Variants in ATXN1 observed in about 807,000 individuals in gnomAD.
The protein encoded by ATXN1 is ataxin-1.
In ATXN1, 8 loss-of-function variants were observed where a neutral mutation model predicts 56.4. The observed-to-expected ratio is 0.14, with a 90% CI of 0.08 to 0.26. ATXN1 has a LOEUF of 0.26. Among genes scored for constraint, ATXN1 ranks in the 10% least tolerant of loss-of-function variants. The pLI, the probability that ATXN1 is intolerant of heterozygous loss-of-function variation, is 1.00. For missense variants in ATXN1, 987 were observed against 1,106.5 expected (o/e 0.89, Z 1.53); for synonymous variants, 514 against 494.6 (o/e 1.04, Z -0.52).
chr6:16,564,912 T>C (rs1348760679), intron 4 of ATXN1, among the ~76,000 whole-genome samples: 4 of 152,134 alleles, frequency 2.6e-5, no homozygotes, highest in Admixed American at 1.3e-4. Context: ...TAAACAAGAC[T>C]TTCTTCCCTG....
At chr6:16,753,489 G>C (rs927355728) in intron 1 of ATXN1, 142 bp from the exon 2 acceptor site, 33 of 389,624 alleles carry the variant, frequency 8.5e-5, no homozygotes, top group Middle Eastern at 8.5e-4. Context: ...TGTTGTATGA[G>C]AATTACACAG....
intron 1 of ATXN1, among the ~76,000 whole-genome samples, chr6:16,759,699 T>A (rs1761007829): frequency 6.7e-6 from 1 of 148,380 alleles, no homozygotes; most frequent in African/African-American, 2.5e-5. Flanking sequence ...TAGAAACGGA[T>A]TTTTTTTTGT....
intron 6 of ATXN1, among the ~76,000 whole-genome samples, chr6:16,330,060 A>G (rs1378154180): frequency 6.7e-6 from 1 of 149,516 alleles, no homozygotes; most frequent in Non-Finnish European, 1.5e-5. Context: ...CCTCTTTTCA[A>G]TGATCTGATT....
intron 3 of ATXN1, among the ~76,000 whole-genome samples, chr6:16,612,431 A>G (rs1269087217): frequency 6.6e-6 from 1 of 152,218 alleles, no homozygotes; most frequent in Non-Finnish European, 1.5e-5. Flanking sequence ...GAATTCTTCT[A>G]AATAGGTGTA....
chr6:16,417,441 A>ATTTTTTTTTTTTTTTTTT (rs1188606545), intron 6 of ATXN1, among the ~76,000 whole-genome samples: 38 of 136,490 alleles, frequency 2.8e-4, no homozygotes, highest in South Asian at 8.0e-4. Context: ...CAAGTTTCTT[A>ATTTTTTTTTTTTTTTTTT]TTTTTTTTTT....
At chr6:16,694,738 C>G (rs1030206265) in intron 2 of ATXN1, among the ~76,000 whole-genome samples, 2 of 152,146 alleles carry the variant, frequency 1.3e-5, no homozygotes, top group African/African-American at 4.8e-5. Flanking sequence ...CTGGAGAATT[C>G]CTGATAAGAG....
chr6:16,457,370 T>C (rs1031735536), intron 6 of ATXN1, among the ~76,000 whole-genome samples: 4 of 151,792 alleles, frequency 2.6e-5, no homozygotes, highest in Non-Finnish European at 5.9e-5. Flanking sequence ...TTGTGGGTTC[T>C]TGGGCAGGGA....
chr6:16,467,117 C>T (rs1229109040), intron 6 of ATXN1, among the ~76,000 whole-genome samples: 1 of 152,192 alleles, frequency 6.6e-6, no homozygotes, highest in East Asian at 1.9e-4. Context: ...GTAGTAACAA[C>T]AGCAGCAAAG....
chr6:16,754,919 G>A (rs575077384), intron 1 of ATXN1, among the ~76,000 whole-genome samples: 3 of 152,274 alleles, frequency 2.0e-5, no homozygotes, highest in Admixed American at 2.0e-4. Flanking sequence ...TAAGGATGAG[G>A]AAGCAGGGAG....
chr6:16,551,722 A>G (rs570588226), intron 4 of ATXN1, among the ~76,000 whole-genome samples: 1 of 152,288 alleles, frequency 6.6e-6, no homozygotes, highest in South Asian at 2.1e-4. Flanking sequence ...TCCAAGATGC[A>G]GATCTGTTTT....
chr6:16,743,603 T>A (rs114693682), intron 2 of ATXN1, among the ~76,000 whole-genome samples: 4,898 of 152,266 alleles, frequency 0.032, 156 homozygotes, highest in Admixed American at 0.077. Flanking sequence ...GTCCCTCCTA[T>A]CGCTGGGCCA....
At chr6:16,348,178 C>T (rs1197349428) in intron 6 of ATXN1, among the ~76,000 whole-genome samples, 3 of 152,214 alleles carry the variant, frequency 2.0e-5, no homozygotes, top group Non-Finnish European at 4.4e-5. Flanking sequence ...TCAAGTGATC[C>T]TCAGCTTCCT....
intron 1 of ATXN1, among the ~76,000 whole-genome samples, chr6:16,755,241 C>T (rs940001758): frequency 6.6e-6 from 1 of 152,166 alleles, no homozygotes; most frequent in Non-Finnish European, 1.5e-5. Flanking sequence ...ATTTGTGTTG[C>T]TGCACTAGTT....
intron 5 of ATXN1, among the ~76,000 whole-genome samples, chr6:16,515,225 C>T (rs183268592): frequency 2.4e-4 from 36 of 152,226 alleles, no homozygotes; most frequent in Admixed American, 1.7e-3. Context: ...AACTGCCTTC[C>T]CTCTGGGACC....
intron 5 of ATXN1, among the ~76,000 whole-genome samples, chr6:16,512,288 A>G (rs1761099010): frequency 6.6e-6 from 1 of 152,228 alleles, no homozygotes; most frequent in Non-Finnish European, 1.5e-5. Flanking sequence ...AGAAGACACA[A>G]TTTGCTCTAA....
At chr6:16,371,710 C>T (rs1269089585) in intron 6 of ATXN1, among the ~76,000 whole-genome samples, 1 of 151,452 alleles carries the variant, frequency 6.6e-6, no homozygotes, top group Non-Finnish European at 1.5e-5. Context: ...GCCACTATGC[C>T]TGGTTATTTA....
chr6:16,462,969 C>T (rs925943455), intron 6 of ATXN1, among the ~76,000 whole-genome samples: 3 of 152,068 alleles, frequency 2.0e-5, no homozygotes, highest in Non-Finnish European at 4.4e-5. Flanking sequence ...CACCCCTGGA[C>T]CCCCTGCAGC....
intron 6 of ATXN1, among the ~76,000 whole-genome samples, chr6:16,412,906 C>T (rs943663314): frequency 2.0e-5 from 3 of 152,198 alleles, no homozygotes; most frequent in Non-Finnish European, 2.9e-5. Context: ...GCCGTGGGGG[C>T]TGTTGTCTCT....
At chr6:16,700,580 G>C (rs951780790) in intron 2 of ATXN1, among the ~76,000 whole-genome samples, 1 of 152,122 alleles carries the variant, frequency 6.6e-6, no homozygotes, top group African/African-American at 2.4e-5. Flanking sequence ...CACAAAACTA[G>C]TCCTGTTCCT....
Sources: gnomAD v4.1 joint callset for allele counts (sites outside exome capture counted in the v4.1 genomes callset) on GRCh38, gnomAD v4.1.1 for gene constraint, MANE v1.5 for transcripts, NCBI Gene and HGNC (gene_info 2026-07-23, HGNC 2026-07-21) for gene names.